SYT14: variants seen among roughly 807,000 people sequenced by gnomAD.
SYT14 encodes synaptotagmin 14, also known as synaptotagmin-14.
In SYT14, 32 loss-of-function variants were observed where a neutral mutation model predicts 74.2. The observed-to-expected ratio is 0.43, with a 90% confidence interval of 0.33 to 0.58. The LOEUF (loss-of-function observed/expected upper bound fraction) is 0.58. Ranked by LOEUF, SYT14 falls within the 20% of genes least tolerant of loss-of-function variation. SYT14 has a pLI of 0.05. For synonymous variants in SYT14, 298 were observed against 337.7 expected (o/e 0.88, Z 1.29); for missense variants, 791 against 981.8 (o/e 0.81, Z 2.60).
intron 2 of SYT14, among the ~76,000 whole-genome samples, chr1:209,999,106 C>G (rs2102870942): frequency 6.6e-6 from 1 of 151,888 alleles, no homozygotes; most frequent in Admixed American, 6.6e-5. Context: ...GTAAATAATC[C>G]CATTAAAAAG....
chr1:210,171,028 G>A (rs978504244), exon 10 of SYT14: 2 of 152,142 alleles, frequency 1.3e-5, no homozygotes, highest in Non-Finnish European at 2.9e-5. Flanking sequence ...TTCACTTAAT[G>A]TGAATTTGTT....
At chr1:210,111,017 T>TGCCACC in intron 7 of SYT14, among the ~76,000 whole-genome samples, 1 of 152,362 alleles carries the variant, frequency 6.6e-6, no homozygotes, top group East Asian at 1.9e-4. Context: ...GTGCTGGGAT[T>TGCCACC]ACAGGTGTGA....
chr1:210,170,475 A>T (rs1368360808), exon 10 of SYT14: 1 of 152,106 alleles, frequency 6.6e-6, no homozygotes, highest in Non-Finnish European at 1.5e-5. Context: ...ACCTCTGTGA[A>T]AACAGTGTAA....
At chr1:209,997,670 T>G (rs1040268200) in intron 2 of SYT14, among the ~76,000 whole-genome samples, 50 of 152,116 alleles carry the variant, frequency 3.3e-4, no homozygotes, top group African/African-American at 1.1e-3. Flanking sequence ...ATGAGAACAG[T>G]GGACACTGCA....
chr1:210,068,158 A>G (rs775669157), intron 5 of SYT14, among the ~76,000 whole-genome samples: 5 of 151,732 alleles, frequency 3.3e-5, no homozygotes, highest in Middle Eastern at 3.2e-3. Context: ...TTGATGTTTA[A>G]TTTTATTATT....
chr1:210,120,937 A>C (rs527626956), intron 7 of SYT14, among the ~76,000 whole-genome samples: 3 of 152,164 alleles, frequency 2.0e-5, no homozygotes, highest in Non-Finnish European at 4.4e-5. Flanking sequence ...ACTAGATAGG[A>C]GAAATCTGCC....
intron 5 of SYT14, among the ~76,000 whole-genome samples, chr1:210,027,661 T>C (rs1228912986): frequency 6.6e-6 from 1 of 152,092 alleles, no homozygotes; most frequent in Non-Finnish European, 1.5e-5. Flanking sequence ...TTGGGTAAGC[T>C]TTTTTCTTAA....
At chr1:210,160,835 T>C (rs1173222758) in exon 10 of SYT14, 3 of 1,614,034 alleles carry the variant, frequency 1.9e-6, no homozygotes, top group African/African-American at 2.7e-5. Flanking sequence ...AGGAAACTTT[T>C]GTCTTTCAAG....
chr1:210,155,665 A>C, intron 7 of SYT14, 56 bp from the exon 7 acceptor site: 1 of 1,568,778 alleles, frequency 6.4e-7, no homozygotes, highest in Non-Finnish European at 8.7e-7. Context: ...ATAACAATAT[A>C]TCTCTTAATA....
At chr1:209,952,993 A>G in intron 2 of SYT14, 1 of 1,409,086 alleles carries the variant, frequency 7.1e-7, no homozygotes, top group Non-Finnish European at 9.5e-7. Flanking sequence ...TTTCTAGCAT[A>G]TTGGTTGTTA....
chr1:210,081,041 G>C (rs564757902), intron 5 of SYT14, among the ~76,000 whole-genome samples: 2 of 152,318 alleles, frequency 1.3e-5, no homozygotes, highest in African/African-American at 4.8e-5. Flanking sequence ...GTACCAAAGA[G>C]AGCATAAAAG....
chr1:209,964,189 G>A (rs890422711), intron 2 of SYT14, among the ~76,000 whole-genome samples: 10 of 152,110 alleles, frequency 6.6e-5, no homozygotes, highest in Non-Finnish European at 1.5e-5. Flanking sequence ...GAGATCTAAT[G>A]GTTTTATAAG....
chr1:210,073,445 A>C (rs2081431799), intron 5 of SYT14, among the ~76,000 whole-genome samples: 1 of 152,080 alleles, frequency 6.6e-6, no homozygotes, highest in South Asian at 2.1e-4. Context: ...TATTATAAAA[A>C]TGAAAAAATA....
intron 7 of SYT14, among the ~76,000 whole-genome samples, chr1:210,109,200 A>G (rs1015175301): frequency 6.6e-6 from 1 of 152,192 alleles, no homozygotes; most frequent in Non-Finnish European, 1.5e-5. Flanking sequence ...TATGAAAAAA[A>G]GCTCATCATT....
chr1:209,957,953 TTC>T (rs1365880008), intron 2 of SYT14, among the ~76,000 whole-genome samples: 1 of 152,156 alleles, frequency 6.6e-6, no homozygotes, highest in African/African-American at 2.4e-5. Flanking sequence ...CCTTCCTTCT[TTC>T]TCTCTGTCTT....
chr1:210,079,098 A>G (rs1044862497), intron 5 of SYT14, among the ~76,000 whole-genome samples: 1 of 151,434 alleles, frequency 6.6e-6, no homozygotes, highest in Non-Finnish European at 1.5e-5. Flanking sequence ...TTTTTTAATC[A>G]TTGTTTTTTT....
chr1:209,990,563 A>ATATATATGTATATATATATACG lies in SYT14; in HGVS notation c.-485-23059_-485-23058insATATATATACGTATATATGTAT, dbSNP rs2079661980. Among the ~76,000 whole-genome samples, 70 of 111,532 alleles carry ATATATATGTATATATATATACG rather than the reference A, an allele frequency of 6.3e-4. 5 individuals carry two copies. Among genetic ancestry groups the ATATATATGTATATATATATACG allele is most frequent in the African/African-American group, 1.5e-3 (51 of 34,026 alleles). 73.2% of individuals were successfully genotyped at this position (111,532 alleles called of 152,430 possible). The stretch of plus-strand genomic sequence containing the variant: ...CGTATATATATGTATATATATACGT[A>ATATATATGTATATATATATACG]TATATATGTATGTATATTTCTTGTT... On this transcript the variant is annotated intron_variant, in intron 2 of 9. Coordinates refer to ENST00000637265, the Ensembl canonical transcript of SYT14.
intron 2 of SYT14, among the ~76,000 whole-genome samples, chr1:209,994,701 G>C (rs1193157173): frequency 6.6e-6 from 1 of 152,014 alleles, no homozygotes; most frequent in East Asian, 1.9e-4. Flanking sequence ...GATTCACCAA[G>C]GTCAACATTA....
intron 2 of SYT14, chr1:209,953,207 T>C (rs1342408333): frequency 7.8e-7 from 1 of 1,287,380 alleles, no homozygotes; most frequent in Non-Finnish European, 1.0e-6. Flanking sequence ...CTATGCTTCC[T>C]TAGAAGGAGC....
Sources: allele counts gnomAD v4.1 joint callset (sites outside exome capture counted in the v4.1 genomes callset), GRCh38; gene constraint gnomAD v4.1.1; transcripts MANE v1.5; gene names NCBI Gene and HGNC (gene_info 2026-07-23, HGNC 2026-07-21).